Variants in LYPD5 observed in about 807,000 individuals in gnomAD.
LYPD5 encodes LY6/PLAUR domain containing 5, also known as ly6/PLAUR domain-containing protein 5.
In LYPD5, 21 loss-of-function variants were observed where a neutral mutation model predicts 19.1. The observed-to-expected ratio is 1.10, with a 90% confidence interval of 0.78 to 1.58. The LOEUF is 1.58. LYPD5 is among the 40% of genes most tolerant of loss of function. The pLI, the probability that LYPD5 is intolerant of heterozygous loss-of-function variation, is 0.00. For synonymous variants in LYPD5, 128 were observed against 142.7 expected, an observed-to-expected ratio of 0.90 and a Z score of 0.74; for missense variants, 287 against 329.8, an observed-to-expected ratio of 0.87 and a Z score of 1.00.
chr19:43,798,914 C>G lies in LYPD5; in HGVS notation c.268G>C (p.Ala90Pro), dbSNP rs11547806. The change falls in exon 3 of 5, where the codon GCG becomes CCG. Residue 90 changes from alanine (A) to proline (P), a missense_variant. Coordinates refer to ENST00000377950, the MANE Select transcript of LYPD5 (RefSeq NM_001031749.3). ...GPPAGQTQSN[A>P]DALPPDYSVV... is the part of the protein sequence containing the mutation. Reference sequence around the variant, plus strand: ...GAGTAGTCTGGCGGCAGCGCGTCCGCGTTCGATTGCGTCTGGCCCGCAGGA... The same window carrying G: ...GAGTAGTCTGGCGGCAGCGCGTCCGGGTTCGATTGCGTCTGGCCCGCAGGA... 0.6 allele frequency: 950,220 copies of G among 1,595,048 alleles called. 285,033 individuals are homozygous for G. Among genetic ancestry groups the G allele is most frequent in the South Asian group, 0.77 (67,518 of 88,154 alleles).
chr19:43,799,519 A>G (rs925451816), intron 2 of LYPD5, among the ~76,000 whole-genome samples, 187 bp downstream of exon 2: 1 of 152,048 alleles, frequency 6.6e-6, no homozygotes, highest in Non-Finnish European at 1.5e-5. Flanking sequence ...CTAGAGTTAC[A>G]GGCCTGAGCC....
intron 1 of LYPD5, chr19:43,815,623 TA>T (rs1430442845): frequency 5.3e-6 from 1 of 189,100 alleles, no homozygotes; most frequent in Non-Finnish European, 1.1e-5. Context: ...CTAGAACTAT[TA>T]AAAAAAGAGA....
chr19:43,808,684 A>G (rs1430112525), intron 1 of LYPD5, among the ~76,000 whole-genome samples: 2 of 152,190 alleles, frequency 1.3e-5, no homozygotes, highest in Non-Finnish European at 2.9e-5. Context: ...TTCTGCCAAA[A>G]TAGCAGCTGT....
chr19:43,798,718 C>T (rs1970173186), intron 3 of LYPD5, 94 bp downstream of exon 3: 1 of 1,571,368 alleles, frequency 6.4e-7, no homozygotes. Context: ...TCCTAGCGCG[C>T]CAAGAGCAGG....
At chr19:43,799,268 G>C (rs992502866) in intron 2 of LYPD5, among the ~76,000 whole-genome samples, 2 of 151,784 alleles carry the variant, frequency 1.3e-5, no homozygotes, top group Non-Finnish European at 2.9e-5. Flanking sequence ...GGCGGAGGAC[G>C]GAGCCTCGCT....
chr19:43,796,098 T>C lies in LYPD5; in HGVS notation c.*1493A>G, dbSNP rs1970124710. 6.6e-6 allele frequency: 1 copy of C among 152,144 alleles called. No individual in the cohort carries two copies. Among genetic ancestry groups the C allele is most frequent in the Non-Finnish European group, 1.5e-5 (1 of 68,048 alleles). The allele number at this position is 152,144 out of a possible 1,614,324, so 9.4% of individuals were successfully genotyped here. Reference sequence around the variant, plus strand: ...GCAAGGCAGCTCTCCAGGGCCTCTTTTATAAGGGCACTAATCCTATTCATG... The same window carrying C: ...GCAAGGCAGCTCTCCAGGGCCTCTTCTATAAGGGCACTAATCCTATTCATG... On this transcript the variant is annotated 3_prime_UTR_variant, in exon 5 of 5. Transcript: ENST00000377950.
rs945052816 is a variant in LYPD5 at position 43,802,294 on chromosome 19, A to G, written c.64+23T>C. On this transcript the variant is annotated intron_variant, in intron 1 of 4. Coordinates refer to ENST00000377950, the MANE Select transcript of LYPD5 (RefSeq NM_001031749.3). The stretch of plus-strand genomic sequence containing the variant: ...TCCAGGCCACCTGCCCCTTCTCACT[A>G]CTGGATTCAGAAGTTTGCGTACCTG... 6 of 1,544,770 alleles carry G rather than the reference A, an allele frequency of 3.9e-6. 1 individual carries two copies. The South Asian group carries it at 6.0e-5, about 15-fold the overall frequency.
At chr19:43,818,641 G>T (rs1330887273) in intron 1 of LYPD5, among the ~76,000 whole-genome samples, 1 of 152,194 alleles carries the variant, frequency 6.6e-6, no homozygotes, top group Non-Finnish European at 1.5e-5. Flanking sequence ...CATGAGGTCA[G>T]GTTTCGTTGC....
chr19:43,799,960 G>T, intron 1 of LYPD5, 126 bp from the exon 2 acceptor site: 1 of 1,137,228 alleles, frequency 8.8e-7, no homozygotes, highest in Non-Finnish European at 1.2e-6. Flanking sequence ...GACACGCCTT[G>T]AGAGACCAGG....
At chr19:43,802,864 C>T (rs1292552368), upstream of LYPD5, among the ~76,000 whole-genome samples, 1 of 152,184 alleles carries the variant, frequency 6.6e-6, no homozygotes, top group African/African-American at 2.4e-5. Flanking sequence ...CCTCCAGCAC[C>T]TTCCTGTCTC....
chr19:43,805,223 C>T (rs1970261067), upstream of LYPD5, among the ~76,000 whole-genome samples: 1 of 152,076 alleles, frequency 6.6e-6, no homozygotes, highest in South Asian at 2.1e-4. Flanking sequence ...AAGCAGTTTA[C>T]TAAATGTGGG....
intron 1 of LYPD5, among the ~76,000 whole-genome samples, chr19:43,818,734 G>A (rs974528369): frequency 6.6e-6 from 1 of 152,160 alleles, no homozygotes; most frequent in African/African-American, 2.4e-5. Flanking sequence ...GTTTCCAGAG[G>A]CCCCAGGCAC....
chr19:43,809,113 C>T (rs1213951127), intron 1 of LYPD5, among the ~76,000 whole-genome samples: 1 of 152,076 alleles, frequency 6.6e-6, no homozygotes, highest in East Asian at 1.9e-4. Flanking sequence ...GGTCTCGGCT[C>T]ACTGCAACCT....
At chr19:43,800,675 A>G (rs1461504632) in intron 1 of LYPD5, among the ~76,000 whole-genome samples, 1 of 152,084 alleles carries the variant, frequency 6.6e-6, no homozygotes, top group African/African-American at 2.4e-5. Flanking sequence ...AAAATCATAT[A>G]TGGAGGCCAG....
At chr19:43,797,867 G>A in intron 4 of LYPD5, 38 bp from the exon 5 acceptor site, 2 of 1,478,296 alleles carry the variant, frequency 1.4e-6, no homozygotes, top group African/African-American at 1.4e-5. Context: ...GGTCAGAACT[G>A]AGGGAGACAG....
chr19:43,807,136 G>C (rs1161947476), upstream of LYPD5, among the ~76,000 whole-genome samples: 1 of 152,180 alleles, frequency 6.6e-6, no homozygotes, highest in African/African-American at 2.4e-5. Context: ...GCTATTGTGA[G>C]TAATGCTGTT....
rs1397727750 is a variant in LYPD5 at position 43,798,907 on chromosome 19, G to A, written c.275C>T (p.Ala92Val). 2.5e-6 allele frequency: 4 copies of A among 1,600,386 alleles called. No homozygotes were observed. Among genetic ancestry groups the A allele is most frequent in the Non-Finnish European group, 2.6e-6 (3 of 1,173,912 alleles). The change falls in exon 3 of 5, where the codon GCG (alanine) becomes GTG (valine). Residue 92 changes from alanine (A) to valine (V), a missense_variant. Ala to Val is a moderately conservative substitution (Grantham distance 64, BLOSUM62 0). Coordinates refer to ENST00000377950, the MANE Select transcript of LYPD5 (RefSeq NM_001031749.3). ...PAGQTQSNAD[A>V]LPPDYSVVRG... Reference sequence around the variant, plus strand: ...CACCACCGAGTAGTCTGGCGGCAGCGCGTCCGCGTTCGATTGCGTCTGGCC... The same window carrying A: ...CACCACCGAGTAGTCTGGCGGCAGCACGTCCGCGTTCGATTGCGTCTGGCC...
chr19:43,808,801 T>A (rs1489961636), intron 1 of LYPD5, among the ~76,000 whole-genome samples: 1 of 152,256 alleles, frequency 6.6e-6, no homozygotes, highest in Non-Finnish European at 1.5e-5. Context: ...TTTTTGTCCT[T>A]GATAGACATC....
chr19:43,818,077 T>C, intron 1 of LYPD5, among the ~76,000 whole-genome samples: 1 of 152,200 alleles, frequency 6.6e-6, no homozygotes, highest in East Asian at 1.9e-4. Flanking sequence ...AAGATGAGCA[T>C]ATCTATCCCA....
Sources: allele counts gnomAD v4.1 joint callset (sites outside exome capture counted in the v4.1 genomes callset), GRCh38; gene constraint gnomAD v4.1.1; transcripts MANE v1.5; gene names NCBI Gene and HGNC (gene_info 2026-07-23, HGNC 2026-07-21).